The following GNG12 variants were observed in gnomAD, a reference collection of about 807,000 sequenced individuals.
GNG12 encodes the protein guanine nucleotide-binding protein G(I)/G(S)/G(O) subunit gamma-12.
For missense variants in GNG12, 69 were observed against 83.8 expected (o/e 0.82, Z 0.69); for synonymous variants, 28 against 29.7 (o/e 0.94, Z 0.19).
chr1:67,808,742 C>T (rs1013280652), intron 1 of GNG12, among the ~76,000 whole-genome samples: 34 of 152,152 alleles, frequency 2.2e-4, no homozygotes, highest in African/African-American at 7.5e-4. Flanking sequence ...AATCTAACAA[C>T]ATGTATAAGA....
At position 67,796,557 on chromosome 1, in the gene GNG12, T is replaced by C. The variant is rs187302128; in HGVS notation, c.-76-19050A>G. 2.1e-3 allele frequency among the ~76,000 whole-genome samples: 313 copies of C among 152,302 alleles called. 1 individual carries two copies. The highest frequency in any genetic ancestry group is 3.6e-3 in the Non-Finnish European group (247 of 68,022). On this transcript the variant is annotated intron_variant, in intron 1 of 3. Coordinates refer to ENST00000370982, the MANE Select transcript of GNG12 (RefSeq NM_018841.6). ...TCCAGTATGACCTCAATACAGAGTGTATGACAGATAGTAGGCACTCAATAA... is the reference window on the plus strand; with the variant it reads ...TCCAGTATGACCTCAATACAGAGTGCATGACAGATAGTAGGCACTCAATAA...
At chr1:67,709,625 C>G (rs549682951) in intron 2 of GNG12, among the ~76,000 whole-genome samples, 1 of 151,072 alleles carries the variant, frequency 6.6e-6, no homozygotes, top group African/African-American at 2.4e-5. Flanking sequence ...ATTCCTCAGT[C>G]ATCCCTGCCC....
chr1:67,732,668 C>CA (rs1466155932), intron 2 of GNG12, among the ~76,000 whole-genome samples: 1 of 152,170 alleles, frequency 6.6e-6, no homozygotes. Context: ...TGTCTATTAT[C>CA]ACACCTCATC....
intron 2 of GNG12, among the ~76,000 whole-genome samples, chr1:67,713,558 A>G (rs889119637): frequency 3.9e-5 from 6 of 152,188 alleles, no homozygotes; most frequent in Non-Finnish European, 8.8e-5. Flanking sequence ...CCAGGGTCTG[A>G]ATCACAAGCC....
At chr1:67,764,834 C>T (rs1171918740) in intron 2 of GNG12, among the ~76,000 whole-genome samples, 2 of 152,206 alleles carry the variant, frequency 1.3e-5, no homozygotes, top group African/African-American at 2.4e-5. Context: ...TGCAGCTCCC[C>T]AGGGCTCACT....
chr1:67,779,638 C>T (rs1322697630), intron 1 of GNG12, among the ~76,000 whole-genome samples: 1 of 152,196 alleles, frequency 6.6e-6, no homozygotes, highest in Non-Finnish European at 1.5e-5. Context: ...CCTGTGTGAA[C>T]ATCCTTGACT....
chr1:67,728,026 T>C lies in GNG12; in HGVS notation c.-26-20314A>G, dbSNP rs555437710. Reference sequence around the variant, plus strand: ...CTTAAACAGAGGAAAATATTGTTTTTCCCCTTTTAAACAGAACCATTTAAT... The same window carrying C: ...CTTAAACAGAGGAAAATATTGTTTTCCCCCTTTTAAACAGAACCATTTAAT... On this transcript the variant is annotated intron_variant, in intron 2 of 3. Transcript: ENST00000370982. 1.2e-3 allele frequency among the ~76,000 whole-genome samples: 188 copies of C among 152,294 alleles called. 1 individual carries two copies. Among genetic ancestry groups the C allele is most frequent in the African/African-American group, 4.4e-3 (182 of 41,562 alleles).
intron 1 of GNG12, among the ~76,000 whole-genome samples, chr1:67,794,780 C>T (rs1279680317): frequency 1.3e-5 from 2 of 152,224 alleles, no homozygotes; most frequent in Non-Finnish European, 1.5e-5. Context: ...GCAAGTATGA[C>T]TTGCTCCAGC....
chr1:67,787,469 G>A (rs890007974), intron 1 of GNG12, among the ~76,000 whole-genome samples: 2 of 152,088 alleles, frequency 1.3e-5, no homozygotes, highest in Admixed American at 1.3e-4. Flanking sequence ...TAACAAATAG[G>A]CAATAGTCAG....
chr1:67,766,582 C>T (rs187356014), intron 2 of GNG12, among the ~76,000 whole-genome samples: 15 of 151,814 alleles, frequency 9.9e-5, no homozygotes, highest in African/African-American at 3.6e-4. Context: ...AAAGATGATA[C>T]ACTTTCAAGA....
intron 1 of GNG12, among the ~76,000 whole-genome samples, chr1:67,807,340 CTAAAACCAG>C (rs1426459255): frequency 5.3e-5 from 8 of 151,444 alleles, no homozygotes; most frequent in African/African-American, 1.7e-4. Flanking sequence ...AAAGAAAGAT[CTAAAACCAG>C]TAATTTAAGC....
At chr1:67,808,085 G>A (rs1046882745) in intron 1 of GNG12, among the ~76,000 whole-genome samples, 1 of 152,008 alleles carries the variant, frequency 6.6e-6, no homozygotes, top group African/African-American at 2.4e-5. Flanking sequence ...ATCCAACAAT[G>A]TAAAAAAGAA....
chr1:67,707,849 AC>A, intron 2 of GNG12, 137 bp from the exon 3 acceptor site: 2 of 540,502 alleles, frequency 3.7e-6, no homozygotes. Flanking sequence ...TTACTAAAAC[AC>A]CCCTTAGAAA....
intron 1 of GNG12, among the ~76,000 whole-genome samples, chr1:67,822,826 C>T (rs1243712475): frequency 6.6e-6 from 1 of 152,074 alleles, no homozygotes; most frequent in East Asian, 1.9e-4. Flanking sequence ...AAGCCACTGC[C>T]ATCTTCCCAT....
chr1:67,793,393 A>C (rs1394830980), intron 1 of GNG12, among the ~76,000 whole-genome samples: 2 of 152,224 alleles, frequency 1.3e-5, no homozygotes. Flanking sequence ...GTATTTCTTT[A>C]AAGCTTAAAA....
At chr1:67,730,941 A>G (rs1046639115) in intron 2 of GNG12, among the ~76,000 whole-genome samples, 12 of 152,018 alleles carry the variant, frequency 7.9e-5, no homozygotes, top group African/African-American at 2.9e-4. Context: ...GGTAATATAC[A>G]TTTTCTGGGG....
At chr1:67,776,611 T>C (rs78789148) in intron 2 of GNG12, among the ~76,000 whole-genome samples, 18,226 of 152,008 alleles carry the variant, frequency 0.12, 1,422 homozygotes, top group African/African-American at 0.22. Flanking sequence ...CATCATTATC[T>C]CTCCACCTGA....
At chr1:67,825,652 C>T (rs781124193) in intron 1 of GNG12, among the ~76,000 whole-genome samples, 29 of 152,202 alleles carry the variant, frequency 1.9e-4, no homozygotes, top group Non-Finnish European at 3.8e-4. Context: ...CCAGAAGCAG[C>T]AGCTACTCAT....
chr1:67,800,721 T>C (rs981365970), intron 1 of GNG12, among the ~76,000 whole-genome samples: 5 of 152,192 alleles, frequency 3.3e-5, no homozygotes, highest in African/African-American at 9.7e-5. Flanking sequence ...TAAGGGATAT[T>C]ACTACTGCCT....
Sources: allele counts gnomAD v4.1 joint callset (sites outside exome capture counted in the v4.1 genomes callset), GRCh38; gene constraint gnomAD v4.1.1; transcripts MANE v1.5; gene names NCBI Gene and HGNC (gene_info 2026-07-23, HGNC 2026-07-21).